NELL2: variants seen among roughly 807,000 people sequenced by gnomAD.
NELL2 encodes the protein protein kinase C-binding protein NELL2.
NELL2 carries 41 observed loss-of-function variants against 109.6 expected under a neutral mutation model. The ratio of observed to expected loss-of-function variants is 0.37; its 90% confidence interval spans 0.29 to 0.49. NELL2 has a LOEUF of 0.49. NELL2 is among the 20% of genes least tolerant of loss of function. NELL2 has a pLI of 0.98. For missense variants in NELL2, 900 were observed against 1,008.3 expected (o/e 0.89, Z 1.45); for synonymous variants, 355 against 344.7 (o/e 1.03, Z -0.33).
chr12:44,736,135 C>G (rs530904291), intron 9 of NELL2, among the ~76,000 whole-genome samples: 1 of 151,356 alleles, frequency 6.6e-6, no homozygotes, highest in Admixed American at 6.6e-5. Flanking sequence ...CTCAGCCTCC[C>G]GAGTAGCTGG....
chr12:44,883,007 A>AT lies in NELL2; in HGVS notation c.39-7108dup, dbSNP rs60717079. The stretch of plus-strand genomic sequence containing the variant: ...AGGCATGTAACAACATGCCCAGACA[A>AT]TTTTTTTTTTTTTTTTGGATTTTTA... On this transcript the variant is annotated intron_variant, in intron 1 of 20. Coordinates refer to the NELL2 transcript ENST00000333837. 3.9e-3 allele frequency among the ~76,000 whole-genome samples: 530 copies of AT among 134,990 alleles called. 7 individuals are homozygous for AT. In the East Asian group the frequency reaches 0.045, roughly 11 times the overall value. The allele number at this position is 134,990 out of a possible 152,430, so 88.6% of individuals were successfully genotyped here. A position where few individuals can be genotyped will look rare whatever the true frequency, so the allele number is the denominator to read the frequency against.
At chr12:44,624,144 A>G (rs985759504) in intron 13 of NELL2, among the ~76,000 whole-genome samples, 1 of 152,114 alleles carries the variant, frequency 6.6e-6, no homozygotes, top group Admixed American at 6.6e-5. Context: ...TAATAAAACA[A>G]GAAGCAACTG....
intron 15 of NELL2, among the ~76,000 whole-genome samples, chr12:44,541,684 A>G (rs1459245989): frequency 6.6e-6 from 1 of 152,160 alleles, no homozygotes; most frequent in East Asian, 1.9e-4. Flanking sequence ...TCTCAAAGCT[A>G]TTGTCTTCAG....
chr12:44,582,992 CAT>C (rs1944374976), intron 15 of NELL2, among the ~76,000 whole-genome samples: 1 of 152,138 alleles, frequency 6.6e-6, no homozygotes, highest in African/African-American at 2.4e-5. Flanking sequence ...GGATGAAGCA[CAT>C]AGCACGAAGG....
intron 11 of NELL2, among the ~76,000 whole-genome samples, chr12:44,707,114 A>G (rs974188926): frequency 2.6e-5 from 4 of 152,186 alleles, no homozygotes; most frequent in Admixed American, 6.5e-5. Context: ...TAACCTCGTT[A>G]TCACTCACCC....
intron 3 of NELL2, among the ~76,000 whole-genome samples, chr12:44,784,266 G>A (rs143933976): frequency 2.6e-5 from 4 of 152,014 alleles, no homozygotes; most frequent in East Asian, 1.9e-4. Flanking sequence ...CAAACCTCTC[G>A]TTCCCACCAT....
upstream of NELL2, among the ~76,000 whole-genome samples, chr12:44,916,166 A>T (rs1945827451): frequency 6.6e-6 from 1 of 152,358 alleles, no homozygotes; most frequent in Admixed American, 6.5e-5. Context: ...AGCAGATAAT[A>T]GGCAACCAAC....
At chr12:44,783,758 T>C (rs1942053880) in intron 3 of NELL2, among the ~76,000 whole-genome samples, 1 of 151,872 alleles carries the variant, frequency 6.6e-6, no homozygotes, top group East Asian at 1.9e-4. Context: ...ATAAAAGAAG[T>C]CATATGAATT....
chr12:44,723,630 T>G (rs1423529105), intron 9 of NELL2, among the ~76,000 whole-genome samples: 4 of 152,174 alleles, frequency 2.6e-5, no homozygotes, highest in Non-Finnish European at 4.4e-5. Context: ...CAGTATAAGT[T>G]TCATTTTGTT....
At chr12:44,627,495 C>G (rs1381054733) in intron 13 of NELL2, among the ~76,000 whole-genome samples, 1 of 150,432 alleles carries the variant, frequency 6.6e-6, no homozygotes, top group African/African-American at 2.4e-5. Context: ...TAGAGTGGTC[C>G]GCTGTACAAC....
intron 12 of NELL2, among the ~76,000 whole-genome samples, chr12:44,689,111 A>G (rs1678909819): frequency 1.3e-5 from 2 of 152,104 alleles, no homozygotes. Flanking sequence ...TTCTGAGTGC[A>G]CTCGGTGTTC....
chr12:44,635,447 G>A (rs1423393755), intron 13 of NELL2, among the ~76,000 whole-genome samples: 1 of 151,922 alleles, frequency 6.6e-6, no homozygotes, highest in East Asian at 1.9e-4. Flanking sequence ...TGCATCTTGA[G>A]TAACTCTTTT....
In NELL2 at chr12:44,755,285, T is replaced by C. The variant is rs188345671; in HGVS notation, c.994+19462A>G. Among the ~76,000 whole-genome samples, 226 of 152,294 alleles carry C rather than the reference T, an allele frequency of 1.5e-3. 1 individual carries two copies. The highest frequency in any genetic ancestry group is 5.2e-3 in the African/African-American group (218 of 41,586). ...ACATCTGTACTTCAGAGTCAGAAGG[T>C]ACAGTTGTTGTCACTTTTCTACCCC... On this transcript the variant is annotated intron_variant, in intron 9 of 19. Coordinates refer to ENST00000429094, the MANE Select transcript of NELL2 (RefSeq NM_001145108.2).
At chr12:44,812,573 A>C (rs1250763965) in intron 3 of NELL2, among the ~76,000 whole-genome samples, 2 of 152,224 alleles carry the variant, frequency 1.3e-5, no homozygotes, top group South Asian at 4.1e-4. Flanking sequence ...TTTGTGAAAG[A>C]AAGCAGAAAA....
rs144823071 is a variant in NELL2, at chr12:44,628,254, A to G, written c.1445-17284T>C. Among the ~76,000 whole-genome samples, 31 of 152,306 alleles carry G rather than the reference A, an allele frequency of 2.0e-4. 1 individual carries two copies. In the East Asian group the frequency reaches 5.8e-3, roughly 28 times the overall value. ...ATAATACAATGGGTTTTGTAGTCTC[A>G]TTTTTAGAAGTGAAAGTAATGATAA... is the stretch of plus-strand genomic sequence containing the variant. On this transcript the variant is annotated intron_variant, in intron 13 of 19. Coordinates refer to ENST00000429094, the MANE Select transcript of NELL2 (RefSeq NM_001145108.2).
intron 13 of NELL2, among the ~76,000 whole-genome samples, chr12:44,618,380 T>A (rs749086671): frequency 2.0e-5 from 3 of 152,186 alleles, no homozygotes; most frequent in Non-Finnish European, 2.9e-5. Context: ...TTTTCACTGG[T>A]GTGCTCAGCC....
At chr12:44,647,353 G>T (rs1005785394) in intron 13 of NELL2, among the ~76,000 whole-genome samples, 1 of 152,114 alleles carries the variant, frequency 6.6e-6, no homozygotes, top group African/African-American at 2.4e-5. Context: ...TTTGAATAAG[G>T]GTTCCTCCAC....
intron 2 of NELL2, among the ~76,000 whole-genome samples, chr12:44,828,655 T>C (rs1295555615): frequency 6.6e-6 from 1 of 152,142 alleles, no homozygotes; most frequent in Non-Finnish European, 1.5e-5. Context: ...ACTGTAATGG[T>C]TGACCTTAAG....
intron 1 of NELL2, among the ~76,000 whole-genome samples, chr12:44,910,176 C>T (rs1307029636): frequency 6.6e-6 from 1 of 151,916 alleles, no homozygotes; most frequent in African/African-American, 2.4e-5. Context: ...AAACTATCAA[C>T]AGAGTAAACA....
Sources: gnomAD v4.1 joint callset for allele counts (sites outside exome capture counted in the v4.1 genomes callset) on GRCh38, gnomAD v4.1.1 for gene constraint, MANE v1.5 for transcripts, NCBI Gene and HGNC (gene_info 2026-07-23, HGNC 2026-07-21) for gene names.